TMEM123: variants seen among roughly 807,000 people sequenced by gnomAD.
The protein encoded by TMEM123 is porimin.
A neutral mutation model predicts 19.7 loss-of-function variants in TMEM123; 16 were observed. That is an observed-to-expected ratio of 0.81 (90% CI 0.55 to 1.23). The LOEUF (loss-of-function observed/expected upper bound fraction) is 1.23, where lower values mean the gene tolerates loss of function less well. Among genes scored for constraint, TMEM123 ranks in the 50% most tolerant of loss-of-function variants. The probability of loss-of-function intolerance (pLI) is 0.00; values close to 1 mark genes in which losing one functional copy is unlikely to be tolerated. For synonymous variants in TMEM123, 118 were observed against 99.4 expected (o/e 1.19, Z -1.12); for missense variants, 313 against 257.8 (o/e 1.21, Z -1.47).
chr11:102,426,859 T>TACC (rs1491364770), intron 2 of TMEM123, among the ~76,000 whole-genome samples: 1 of 4,136 alleles, frequency 2.4e-4, no homozygotes, highest in Non-Finnish European at 4.9e-4. Flanking sequence ...TTAAAGTAGT[T>TACC]CCCCCCCCCC....
rs118029657 is a variant in TMEM123, at chr11:102,414,067, A to G, written c.158-11861T>C. On this transcript the variant is annotated intron_variant, in intron 2 of 4. Transcript: ENST00000398136. The stretch of plus-strand genomic sequence containing the variant: ...ATTCATGACAAGGATTTCAAGTATT[A>G]ACAACAGAAGAGACCAATCTGAGGA... Among the ~76,000 whole-genome samples, 148 of 152,338 alleles carry G rather than the reference A, an allele frequency of 9.7e-4. 3 individuals carry two copies. In the East Asian group the frequency reaches 0.025, roughly 26 times the overall value.
chr11:102,418,165 T>C (rs140725086), intron 2 of TMEM123, among the ~76,000 whole-genome samples: 2 of 151,872 alleles, frequency 1.3e-5, no homozygotes, highest in African/African-American at 4.8e-5. Context: ...CAAAGGCAAC[T>C]GCAACAAAAG....
At chr11:102,399,691 C>T (rs543666309) in intron 4 of TMEM123, among the ~76,000 whole-genome samples, 1 of 152,232 alleles carries the variant, frequency 6.6e-6, no homozygotes, top group South Asian at 2.1e-4. Flanking sequence ...TTTTTAAGGC[C>T]AGATATGGTG....
At chr11:102,431,771 A>C (rs888826940) in intron 2 of TMEM123, among the ~76,000 whole-genome samples, 2 of 152,162 alleles carry the variant, frequency 1.3e-5, no homozygotes, top group African/African-American at 2.4e-5. Context: ...TCTCATCTTG[A>C]ATTGTAATCC....
At chr11:102,415,167 T>C (rs1408556599) in intron 2 of TMEM123, among the ~76,000 whole-genome samples, 1 of 152,176 alleles carries the variant, frequency 6.6e-6, no homozygotes, top group Non-Finnish European at 1.5e-5. Flanking sequence ...CACTCAACAC[T>C]GGAGAACCCA....
chr11:102,425,594 T>G (rs1170339495), intron 2 of TMEM123, among the ~76,000 whole-genome samples: 6 of 149,252 alleles, frequency 4.0e-5, no homozygotes, highest in Non-Finnish European at 7.4e-5. Context: ...TTTTTTTTTT[T>G]TTTTTTGAGG....
In TMEM123 at chr11:102,444,913, C is replaced by T. The variant is rs556781613; in HGVS notation, c.157+3899G>A. 2.1e-3 allele frequency among the ~76,000 whole-genome samples: 313 copies of T among 151,526 alleles called. 8 individuals carry two copies. Among genetic ancestry groups the T allele is most frequent in the Non-Finnish European group, 9.3e-4 (63 of 67,898 alleles). On this transcript the variant is annotated intron_variant, in intron 2 of 4. Coordinates refer to ENST00000398136, the MANE Select transcript of TMEM123 (RefSeq NM_052932.3). ...AAACCATCATTCTCAGCAAACTATC[C>T]GAAGGACAGAAAACCAAACACCGCA... is the stretch of plus-strand genomic sequence containing the variant.
chr11:102,407,660 T>C (rs898754047), intron 2 of TMEM123, among the ~76,000 whole-genome samples: 3 of 152,134 alleles, frequency 2.0e-5, no homozygotes, highest in African/African-American at 7.2e-5. Flanking sequence ...AAGAACACCC[T>C]GTGAAGATGA....
At position 102,396,708 on chromosome 11, in the gene TMEM123, A is replaced by C. The variant is rs1951859069; in HGVS notation, c.*2159T>G. 1 of 152,224 alleles carries C rather than the reference A, an allele frequency of 6.6e-6. No individual in the cohort carries two copies. The highest frequency in any genetic ancestry group is 6.5e-5 in the Admixed American group (1 of 15,276). The allele number at this position is 152,224 out of a possible 1,614,324, so 9.4% of individuals were successfully genotyped here. A position where few individuals can be genotyped will look rare whatever the true frequency, so the allele number is the denominator to read the frequency against. ...TCAATTTTTATAGATAACAACAACA[A>C]AAAAACCTACATTCAAAGTACGGGT... On this transcript the variant is annotated 3_prime_UTR_variant, in exon 5 of 5. Coordinates refer to ENST00000398136, the MANE Select transcript of TMEM123 (RefSeq NM_052932.3).
chr11:102,415,988 C>T (rs1409193627), intron 2 of TMEM123, among the ~76,000 whole-genome samples: 3 of 152,046 alleles, frequency 2.0e-5, no homozygotes, highest in African/African-American at 7.3e-5. Flanking sequence ...AGTCTCAGCT[C>T]ACTGCAACTT....
At chr11:102,435,547 A>AC (rs1857754016) in intron 2 of TMEM123, among the ~76,000 whole-genome samples, 1 of 151,958 alleles carries the variant, frequency 6.6e-6, no homozygotes, top group East Asian at 1.9e-4. Flanking sequence ...AAACAAAGTT[A>AC]CCATATGACC....
rs1047355002 is a variant in TMEM123 at position 102,398,571 on chromosome 11, A to G, written c.*296T>C. On this transcript the variant is annotated 3_prime_UTR_variant, in exon 5 of 5. Transcript: ENST00000398136. Reference sequence around the variant, plus strand: ...ATGACGTCTTTCAATTACTGGTCATATGTGACCAATGCCCCCACCCCAGCC... The same window carrying G: ...ATGACGTCTTTCAATTACTGGTCATGTGTGACCAATGCCCCCACCCCAGCC... 51 of 500,606 alleles carry G rather than the reference A, an allele frequency of 1.0e-4. No homozygotes were observed. Among genetic ancestry groups the G allele is most frequent in the African/African-American group, 7.3e-4 (36 of 49,326 alleles). The allele number at this position is 500,606 out of a possible 1,614,324, so 31.0% of individuals were successfully genotyped here.
chr11:102,426,293 C>T (rs533507644), intron 2 of TMEM123, among the ~76,000 whole-genome samples: 3 of 152,288 alleles, frequency 2.0e-5, no homozygotes, highest in South Asian at 2.1e-4. Flanking sequence ...ACAGTTAACA[C>T]ATCCATAGCA....
chr11:102,410,001 A>G (rs182007602), intron 2 of TMEM123, among the ~76,000 whole-genome samples: 2 of 152,352 alleles, frequency 1.3e-5, no homozygotes, highest in Admixed American at 1.3e-4. Flanking sequence ...TGAATTTTTA[A>G]ACTCAAAAAC....
At position 102,396,592 on chromosome 11, in the gene TMEM123, A is replaced by T. The variant is rs1334079125; in HGVS notation, c.*2275T>A. On this transcript the variant is annotated 3_prime_UTR_variant, in exon 5 of 5. Coordinates refer to ENST00000398136, the MANE Select transcript of TMEM123 (RefSeq NM_052932.3). ...TTTGTTTTGATCTTCAGATAAATACATTCTCAAGGAATGCAAGCAAAACTG... is the reference window on the plus strand; with the variant it reads ...TTTGTTTTGATCTTCAGATAAATACTTTCTCAAGGAATGCAAGCAAAACTG... The T allele has an allele frequency of 1.3e-5, 2 of 152,254 alleles. No individual in the cohort carries two copies. The highest frequency in any genetic ancestry group is 2.9e-5 in the Non-Finnish European group (2 of 68,036). The allele number at this position is 152,254 out of a possible 1,614,324, so 9.4% of individuals were successfully genotyped here. A position where few individuals can be genotyped will look rare whatever the true frequency, so the allele number is the denominator to read the frequency against.
intron 2 of TMEM123, among the ~76,000 whole-genome samples, chr11:102,411,915 T>G (rs1025184551): frequency 6.6e-6 from 1 of 152,180 alleles, no homozygotes; most frequent in Non-Finnish European, 1.5e-5. Context: ...TCTGAACTCT[T>G]CACCATTACA....
intron 2 of TMEM123, among the ~76,000 whole-genome samples, chr11:102,424,557 C>T (rs1376876506): frequency 7.9e-5 from 12 of 152,202 alleles, no homozygotes; most frequent in South Asian, 2.1e-4. Context: ...GGCGTGGTGG[C>T]GCACACCTGT....
In TMEM123 at chr11:102,401,661, T is replaced by A. The variant is rs758603147; in HGVS notation, c.480A>T (p.Lys160Asn). 6.2e-7 allele frequency: 1 copy of A among 1,605,554 alleles called. No homozygotes were observed. The highest frequency in any genetic ancestry group is 1.1e-5 in the South Asian group (1 of 88,728). The change falls in exon 4 of 5, where the codon AAA (lysine) becomes AAT (asparagine). Residue 160 changes from lysine (K) to asparagine (N), a missense_variant. Transcript: ENST00000398136. ...AGCTCCCAGTATCAAATTTTGATCC[T>A]TTCTTTGCTTCAGAATGCATAGTTG... ...ITTTMHSEAKKGSKFDTGSFV... is the reference protein window; with the variant it reads ...ITTTMHSEAKNGSKFDTGSFV...
At position 102,406,714 on chromosome 11, in the gene TMEM123, A is replaced by AC. The variant is rs1176314900; in HGVS notation, c.158-4509_158-4508insG. 3.9e-5 allele frequency among the ~76,000 whole-genome samples: 6 copies of AC among 152,104 alleles called. No homozygotes were observed. In the East Asian group the frequency reaches 1.2e-3, roughly 29 times the overall value. On this transcript the variant is annotated intron_variant, in intron 2 of 4. Coordinates refer to ENST00000398136, the MANE Select transcript of TMEM123 (RefSeq NM_052932.3). ...GTGAAACCCCGTCTCTACCAAAAATATAAAAAATTAGCCGGGCATGGTGGC... is the reference window on the plus strand; with the variant it reads ...GTGAAACCCCGTCTCTACCAAAAATACTAAAAAATTAGCCGGGCATGGTGGC...
Sources: gnomAD v4.1 joint callset for allele counts (sites outside exome capture counted in the v4.1 genomes callset) on GRCh38, gnomAD v4.1.1 for gene constraint, MANE v1.5 for transcripts, NCBI Gene and HGNC (gene_info 2026-07-23, HGNC 2026-07-21) for gene names.